The following LSAMP variants were observed in gnomAD, a reference collection of about 807,000 sequenced individuals.
LSAMP encodes the protein limbic system-associated membrane protein.
LSAMP carries 7 observed loss-of-function variants against 38.6 expected under a neutral mutation model. The observed-to-expected ratio is 0.18, with a 90% confidence interval of 0.10 to 0.34. The LOEUF (loss-of-function observed/expected upper bound fraction) is 0.34. Ranked by LOEUF, LSAMP falls within the 10% of genes least tolerant of loss-of-function variation. LSAMP has a pLI of 1.00. For synonymous variants in LSAMP, 154 were observed against 166.8 expected, an observed-to-expected ratio of 0.92 and a Z score of 0.59; for missense variants, 313 against 420.0, an observed-to-expected ratio of 0.75 and a Z score of 2.23.
At chr3:116,358,028 T>TA (rs1192786819) in intron 1 of LSAMP, among the ~76,000 whole-genome samples, 1 of 152,192 alleles carries the variant, frequency 6.6e-6, no homozygotes, top group African/African-American at 2.4e-5. Context: ...GTTTCCTCCT[T>TA]ATGATACATG....
At chr3:116,195,583 A>G (rs1347598895) in intron 1 of LSAMP, among the ~76,000 whole-genome samples, 1 of 152,192 alleles carries the variant, frequency 6.6e-6, no homozygotes, top group Non-Finnish European at 1.5e-5. Flanking sequence ...TATGAACAAG[A>G]AGCAAAATAA....
intron 4 of LSAMP, among the ~76,000 whole-genome samples, chr3:115,849,968 G>A (rs1027993420): frequency 2.0e-5 from 3 of 152,154 alleles, no homozygotes; most frequent in Admixed American, 6.5e-5. Context: ...CACATTTACT[G>A]AGCAATTTTT....
At chr3:116,095,158 C>T (rs1190923227) in intron 1 of LSAMP, among the ~76,000 whole-genome samples, 2 of 152,130 alleles carry the variant, frequency 1.3e-5, no homozygotes, top group Non-Finnish European at 2.9e-5. Context: ...TCTCTAAATG[C>T]TCAACTTTTA....
intron 3 of LSAMP, among the ~76,000 whole-genome samples, chr3:115,882,440 A>G (rs1396099693): frequency 6.6e-6 from 1 of 152,090 alleles, no homozygotes; most frequent in African/African-American, 2.4e-5. Context: ...ATTCTGATTC[A>G]GTAACTGCTG....
intron 3 of LSAMP, among the ~76,000 whole-genome samples, chr3:115,977,984 C>T (rs1939240884): frequency 6.6e-6 from 1 of 151,836 alleles, no homozygotes; most frequent in Non-Finnish European, 1.5e-5. Flanking sequence ...TTCCTGTCTC[C>T]CTTCCTTCCT....
chr3:116,143,958 A>G (rs966093792), intron 1 of LSAMP, among the ~76,000 whole-genome samples: 1 of 151,972 alleles, frequency 6.6e-6, no homozygotes, highest in African/African-American at 2.4e-5. Context: ...CCATACTAAA[A>G]CATTTGGTAT....
chr3:116,166,776 GTTTTTTTTTTGTTTTT>G (rs1710060787), intron 1 of LSAMP, among the ~76,000 whole-genome samples: 1 of 129,586 alleles, frequency 7.7e-6, no homozygotes, highest in East Asian at 2.3e-4. Flanking sequence ...AAAATTTTTA[GTTTTTTTTTTGTTTTT>G]TTTTTTTTTT....
chr3:116,272,061 C>T (rs535323897), intron 1 of LSAMP, among the ~76,000 whole-genome samples: 1 of 151,962 alleles, frequency 6.6e-6, no homozygotes, highest in Non-Finnish European at 1.5e-5. Context: ...AAGGAATTCT[C>T]AAAGCCCTTT....
At chr3:116,254,821 A>G (rs2046729873) in intron 1 of LSAMP, among the ~76,000 whole-genome samples, 3 of 152,234 alleles carry the variant, frequency 2.0e-5, no homozygotes, top group Non-Finnish European at 4.4e-5. Flanking sequence ...ACCTCCCTGG[A>G]TAAAAACTCA....
chr3:116,420,853 G>C (rs2049112867), intron 1 of LSAMP, among the ~76,000 whole-genome samples: 1 of 152,098 alleles, frequency 6.6e-6, no homozygotes, highest in African/African-American at 2.4e-5. Flanking sequence ...CTCTAGCATG[G>C]GTGACAGAGA....
intron 3 of LSAMP, among the ~76,000 whole-genome samples, chr3:115,961,805 G>C (rs952528544): frequency 5.9e-5 from 9 of 152,134 alleles, no homozygotes; most frequent in African/African-American, 2.2e-4. Flanking sequence ...CCCTCCTGCT[G>C]CTCTTAAATA....
At chr3:116,079,250 T>C (rs1170847375) in intron 2 of LSAMP, among the ~76,000 whole-genome samples, 1 of 152,358 alleles carries the variant, frequency 6.6e-6, no homozygotes, top group East Asian at 1.9e-4. Context: ...TGGGTGGGCC[T>C]GGCCCTTCGG....
chr3:116,154,907 G>A (rs538273050), intron 1 of LSAMP, among the ~76,000 whole-genome samples: 3 of 152,178 alleles, frequency 2.0e-5, no homozygotes, highest in South Asian at 2.1e-4. Context: ...AGGTAGGAGT[G>A]TATACAATTT....
At chr3:115,946,218 A>G (rs1274709736) in intron 3 of LSAMP, among the ~76,000 whole-genome samples, 1 of 152,196 alleles carries the variant, frequency 6.6e-6, no homozygotes, top group Non-Finnish European at 1.5e-5. Flanking sequence ...TGTTGAAATC[A>G]TACAAACTGA....
intron 3 of LSAMP, among the ~76,000 whole-genome samples, chr3:115,938,461 CAAAA>C (rs1937785464): frequency 6.6e-6 from 1 of 151,918 alleles, no homozygotes; most frequent in Admixed American, 6.6e-5. Context: ...AAGTATTTAA[CAAAA>C]AAGTCAAGCA....
At chr3:116,105,930 G>A (rs1412220104) in intron 1 of LSAMP, among the ~76,000 whole-genome samples, 4 of 152,094 alleles carry the variant, frequency 2.6e-5, no homozygotes, top group African/African-American at 4.8e-5. Flanking sequence ...TAGGGGCGGC[G>A]TGGGAACCTA....
intron 2 of LSAMP, among the ~76,000 whole-genome samples, chr3:116,081,892 A>T (rs916161969): frequency 6.6e-6 from 1 of 152,340 alleles, no homozygotes; most frequent in Admixed American, 6.5e-5. Flanking sequence ...GGCCATTTTG[A>T]AAACAACATT....
At chr3:116,383,648 C>T (rs750769764) in intron 1 of LSAMP, among the ~76,000 whole-genome samples, 11 of 151,550 alleles carry the variant, frequency 7.3e-5, no homozygotes, top group South Asian at 2.1e-4. Flanking sequence ...AACAAGAAAA[C>T]GAACGAAAAA....
At chr3:116,386,933 G>T (rs2048633577) in intron 1 of LSAMP, among the ~76,000 whole-genome samples, 1 of 152,154 alleles carries the variant, frequency 6.6e-6, no homozygotes, top group Admixed American at 6.5e-5. Context: ...CATCTGAGAA[G>T]ATATGTCTGG....
Sources: allele counts gnomAD v4.1 joint callset (sites outside exome capture counted in the v4.1 genomes callset), GRCh38; gene constraint gnomAD v4.1.1; transcripts MANE v1.5; gene names NCBI Gene and HGNC (gene_info 2026-07-23, HGNC 2026-07-21).